SSH2: variants seen among roughly 807,000 people sequenced by gnomAD.
The protein encoded by SSH2 is slingshot protein phosphatase 2.
Under a neutral mutation model 135.2 loss-of-function variants are expected in SSH2, and 37 were observed. The observed-to-expected ratio is 0.27, with a 90% CI of 0.21 to 0.36. The LOEUF is 0.36. SSH2 is among the 10% of genes least tolerant of loss of function. SSH2 has a pLI of 1.00. For synonymous variants in SSH2, 628 were observed against 646.2 expected (o/e 0.97, Z 0.43); for missense variants, 1,408 against 1,765.3 (o/e 0.80, Z 3.63).
chr17:29,774,512 G>A (rs1418053415), intron 3 of SSH2, among the ~76,000 whole-genome samples: 5 of 152,102 alleles, frequency 3.3e-5, no homozygotes, highest in Admixed American at 6.6e-5. Flanking sequence ...TGATCCACCC[G>A]CCTTGGCCTC....
intron 3 of SSH2, among the ~76,000 whole-genome samples, chr17:29,743,412 G>GTT (rs11395406): frequency 2.6e-3 from 385 of 149,774 alleles, no homozygotes; most frequent in Non-Finnish European, 4.1e-3. Context: ...GGCTAGATTT[G>GTT]TTTTTTTTTT....
chr17:29,709,015 T>TATATATATATATATATATAGAGAGAGAG (rs780981175), intron 3 of SSH2, among the ~76,000 whole-genome samples: 8 of 81,586 alleles, frequency 9.8e-5, no homozygotes, highest in African/African-American at 3.3e-4. Context: ...TATATATATA[T>TATATATATATATATATATAGAGAGAGAG]AGAGAGAGAG....
At chr17:29,752,997 C>A (rs2040999014) in intron 3 of SSH2, among the ~76,000 whole-genome samples, 1 of 152,130 alleles carries the variant, frequency 6.6e-6, no homozygotes, top group Admixed American at 6.5e-5. Flanking sequence ...GACAAGTTAA[C>A]CTCTCTGTGC....
chr17:29,725,441 A>G (rs1054329700), intron 3 of SSH2, among the ~76,000 whole-genome samples: 2 of 151,846 alleles, frequency 1.3e-5, no homozygotes, highest in Admixed American at 1.3e-4. Flanking sequence ...CACATGCCAC[A>G]TGCACATGTA....
At position 29,848,038 on chromosome 17, in the gene SSH2, C is replaced by A. The variant is rs73263679; in HGVS notation, c.144+811G>T. ...AGCAGTACTGTTCAATAAAAGATTG[C>A]TGTCTAACACCACAGGTTTGCCCTT... On this transcript the variant is annotated intron_variant, in intron 2 of 15. Transcript: ENST00000540801. Among the ~76,000 whole-genome samples the A allele has an allele frequency of 3.1e-3, 465 of 152,268 alleles. 5 individuals are homozygous for A. Among genetic ancestry groups the A allele is most frequent in the African/African-American group, 9.8e-3 (409 of 41,546 alleles).
At position 29,630,623 on chromosome 17, in the gene SSH2, A is replaced by C. The variant is rs1299589213; in HGVS notation, c.*218T>G. 2 of 376,864 alleles carry C rather than the reference A, an allele frequency of 5.3e-6. No individual in the cohort carries two copies. Among genetic ancestry groups the C allele is most frequent in the Non-Finnish European group, 9.2e-6 (2 of 216,352 alleles). The allele number at this position is 376,864 out of a possible 1,614,324, so 23.3% of individuals were successfully genotyped here. A position where few individuals can be genotyped will look rare whatever the true frequency, so the allele number is the denominator to read the frequency against. ...TTTTGAGGTTTGATTTTTTTAAATA[A>C]AAAATGATAAACGGTCTTGCCATCC... is the stretch of plus-strand genomic sequence containing the variant. On this transcript the variant is annotated 3_prime_UTR_variant, in exon 16 of 16. Transcript: ENST00000540801.
chr17:29,754,402 C>A (rs1598941352), intron 3 of SSH2, among the ~76,000 whole-genome samples: 2 of 152,274 alleles, frequency 1.3e-5, no homozygotes, highest in East Asian at 3.9e-4. Flanking sequence ...AGACTTTCTA[C>A]CTTTTGATTT....
At chr17:29,784,112 C>T (rs1241726565) in intron 3 of SSH2, among the ~76,000 whole-genome samples, 4 of 138,022 alleles carry the variant, frequency 2.9e-5, no homozygotes, top group Admixed American at 7.4e-5. Flanking sequence ...GGGGGCTGGA[C>T]GCGGTGGCTC....
chr17:29,773,340 T>A (rs1340411207), intron 3 of SSH2, among the ~76,000 whole-genome samples: 1 of 152,224 alleles, frequency 6.6e-6, no homozygotes, highest in African/African-American at 2.4e-5. Flanking sequence ...CACAGTAGAA[T>A]AGAAAATATA....
chr17:29,882,177 T>TGGAGC (rs1227841725), intron 1 of SSH2, among the ~76,000 whole-genome samples: 7 of 152,330 alleles, frequency 4.6e-5, no homozygotes, highest in Middle Eastern at 3.4e-3. Context: ...TGGAGCATAT[T>TGGAGC]ACTGATGGAA....
chr17:29,629,046 T>C lies in SSH2; in HGVS notation c.*1795A>G, dbSNP rs2035578465. ...CTGTCTCCAGTCTATACTCAGTCAATCCTCAGTAACGTGGACATCAACGAA... is the reference window on the plus strand; with the variant it reads ...CTGTCTCCAGTCTATACTCAGTCAACCCTCAGTAACGTGGACATCAACGAA... On this transcript the variant is annotated 3_prime_UTR_variant, in exon 16 of 16. Transcript: ENST00000540801. 1 of 152,262 alleles carries C rather than the reference T, an allele frequency of 6.6e-6. No homozygotes were observed. The highest frequency in any genetic ancestry group is 1.5e-5 in the Non-Finnish European group (1 of 68,042). 9.4% of individuals were successfully genotyped at this position (152,262 alleles called of 1,614,324 possible).
At chr17:29,795,873 C>T (rs1418775044) in intron 2 of SSH2, among the ~76,000 whole-genome samples, 1 of 152,130 alleles carries the variant, frequency 6.6e-6, no homozygotes, top group Non-Finnish European at 1.5e-5. Flanking sequence ...TCCCAAGTAG[C>T]TGGGACTACA....
At chr17:29,655,991 C>G (rs1185069053) in intron 11 of SSH2, among the ~76,000 whole-genome samples, 2 of 152,158 alleles carry the variant, frequency 1.3e-5, no homozygotes, top group African/African-American at 4.8e-5. Flanking sequence ...TATTTATGTG[C>G]TTACTTTCTA....
At chr17:29,695,621 G>T in intron 4 of SSH2, 98 bp from the exon 5 acceptor site, 1 of 1,045,720 alleles carries the variant, frequency 9.6e-7, no homozygotes, top group Non-Finnish European at 1.4e-6. Flanking sequence ...AGAAAGTTCT[G>T]ATTCATTAAA....
intron 3 of SSH2, among the ~76,000 whole-genome samples, chr17:29,756,032 G>A (rs1312993181): frequency 2.0e-5 from 3 of 150,316 alleles, no homozygotes; most frequent in African/African-American, 7.3e-5. Context: ...TTGGGAGGCC[G>A]AGGCAGGCGG....
At position 29,756,790 on chromosome 17, in the gene SSH2, G is replaced by A. The variant is rs148431642; in HGVS notation, c.188+37104C>T. The stretch of plus-strand genomic sequence containing the variant: ...CTACCTCAGCCTCCGGAGTAGCTGG[G>A]ACTACAGGTGCGTGACACCATGGCT... On this transcript the variant is annotated intron_variant, in intron 3 of 15. Coordinates refer to ENST00000540801, the MANE Select transcript of SSH2 (RefSeq NM_001282129.2). Among the ~76,000 whole-genome samples the A allele has an allele frequency of 1.2e-3, 184 of 152,168 alleles. 1 individual carries two copies. The highest frequency in any genetic ancestry group is 1.9e-3 in the Non-Finnish European group (131 of 68,014).
intron 3 of SSH2, among the ~76,000 whole-genome samples, chr17:29,735,028 G>A (rs550031661): frequency 6.6e-6 from 1 of 152,226 alleles, no homozygotes; most frequent in East Asian, 1.9e-4. Context: ...AATTGGGGGT[G>A]GGGGAGATGT....
At chr17:29,691,358 G>A (rs759785615) in intron 5 of SSH2, among the ~76,000 whole-genome samples, 2 of 152,116 alleles carry the variant, frequency 1.3e-5, no homozygotes, top group South Asian at 2.1e-4. Context: ...CTTTGGTAAC[G>A]TGCAAGAGTA....
intron 15 of SSH2, among the ~76,000 whole-genome samples, chr17:29,633,782 G>A (rs553202606): frequency 9.7e-4 from 148 of 152,288 alleles, no homozygotes; most frequent in African/African-American, 3.5e-3. Context: ...ATCAAAATCT[G>A]GGAATAGCCC....
Sources: allele counts gnomAD v4.1 joint callset (sites outside exome capture counted in the v4.1 genomes callset), GRCh38; gene constraint gnomAD v4.1.1; transcripts MANE v1.5; gene names NCBI Gene and HGNC (gene_info 2026-07-23, HGNC 2026-07-21).